RBFOX1: variants seen among roughly 807,000 people sequenced by gnomAD.
RBFOX1 encodes RNA binding fox-1 homolog 1, also known as RNA binding protein fox-1 homolog 1.
RBFOX1 carries 8 observed loss-of-function variants against 57.7 expected under a neutral mutation model. That is an observed-to-expected ratio of 0.14 (90% CI 0.08 to 0.25). RBFOX1 has a LOEUF of 0.25. RBFOX1 is among the 10% of genes least tolerant of loss of function. The pLI is 1.00. For synonymous variants in RBFOX1, 326 were observed against 222.4 expected, an observed-to-expected ratio of 1.47 and a Z score of -4.15; for missense variants, 611 against 548.5, an observed-to-expected ratio of 1.11 and a Z score of -1.14.
At chr16:6,895,748 G>A (rs2066741074) in intron 3 of RBFOX1, among the ~76,000 whole-genome samples, 2 of 151,948 alleles carry the variant, frequency 1.3e-5, no homozygotes, top group African/African-American at 4.8e-5. Flanking sequence ...CATCTCAACA[G>A]TGAGGAATGA....
At chr16:7,202,313 AAG>A (rs2088771263) in intron 4 of RBFOX1, among the ~76,000 whole-genome samples, 3 of 151,540 alleles carry the variant, frequency 2.0e-5, no homozygotes, top group Non-Finnish European at 2.9e-5. Context: ...AAAAAAAAAA[AAG>A]AAGCACAGAA....
At chr16:6,356,729 C>T (rs958690294) in intron 2 of RBFOX1, among the ~76,000 whole-genome samples, 18 of 152,072 alleles carry the variant, frequency 1.2e-4, no homozygotes, top group African/African-American at 4.1e-4. Context: ...GGACATTAGG[C>T]GAAAAACAAG....
intron 1 of RBFOX1, among the ~76,000 whole-genome samples, chr16:5,241,853 C>T (rs1020039696): frequency 6.6e-6 from 1 of 151,930 alleles, no homozygotes; most frequent in Admixed American, 6.6e-5. Flanking sequence ...ATAATTCCAG[C>T]ACTTTGAGAG....
At chr16:7,676,443 G>T (rs2073296542) in intron 13 of RBFOX1, among the ~76,000 whole-genome samples, 1 of 152,160 alleles carries the variant, frequency 6.6e-6, no homozygotes, top group Non-Finnish European at 1.5e-5. Flanking sequence ...GTTCAGCAAA[G>T]TATAAAGAGT....
chr16:6,916,483 AGTT>A (rs2073186918), intron 3 of RBFOX1, among the ~76,000 whole-genome samples: 1 of 151,268 alleles, frequency 6.6e-6, no homozygotes, highest in Admixed American at 6.6e-5. Flanking sequence ...ATAGCATTTT[AGTT>A]GTTTTTTTTT....
intron 1 of RBFOX1, among the ~76,000 whole-genome samples, chr16:6,139,475 C>G (rs1052364994): frequency 1.3e-5 from 2 of 152,176 alleles, no homozygotes; most frequent in African/African-American, 4.8e-5. Flanking sequence ...CAGCACAGTT[C>G]AGCCTGAAGA....
chr16:6,007,297 C>G (rs1056362025), intron 4 of RBFOX1, among the ~76,000 whole-genome samples: 5 of 152,202 alleles, frequency 3.3e-5, no homozygotes, highest in African/African-American at 1.2e-4. Context: ...TGCTCTCCTG[C>G]TCTAAGGGGA....
intron 1 of RBFOX1, among the ~76,000 whole-genome samples, chr16:5,421,049 T>C (rs1012239707): frequency 1.3e-5 from 2 of 148,192 alleles, no homozygotes; most frequent in Non-Finnish European, 3.0e-5. Context: ...CTTTGTCACC[T>C]AGGCTGGAGT....
At chr16:6,256,213 A>G (rs200673150) in intron 1 of RBFOX1, among the ~76,000 whole-genome samples, 39,637 of 65,494 alleles carry the variant, frequency 0.61, 14,990 homozygotes, top group Non-Finnish European at 0.81. Context: ...GTATATGTGT[A>G]TATATATGTA....
chr16:7,211,850 A>G (rs954473794), intron 4 of RBFOX1, among the ~76,000 whole-genome samples: 1 of 152,144 alleles, frequency 6.6e-6, no homozygotes, highest in Non-Finnish European at 1.5e-5. Flanking sequence ...AGGTGGTTGC[A>G]GCGTTTCCTA....
intron 4 of RBFOX1, among the ~76,000 whole-genome samples, chr16:7,131,831 T>C (rs958745829): frequency 2.0e-5 from 3 of 152,036 alleles, no homozygotes; most frequent in African/African-American, 7.2e-5. Flanking sequence ...AATTTTTCCC[T>C]ACATCTAAAC....
intron 4 of RBFOX1, among the ~76,000 whole-genome samples, chr16:7,149,884 C>G (rs948175944): frequency 5.3e-5 from 8 of 152,138 alleles, no homozygotes; most frequent in Non-Finnish European, 8.8e-5. Flanking sequence ...CTATCTGACC[C>G]CTACTCACTG....
intron 3 of RBFOX1, among the ~76,000 whole-genome samples, chr16:6,690,249 G>T (rs764675425): frequency 6.6e-6 from 1 of 152,048 alleles, no homozygotes; most frequent in African/African-American, 2.4e-5. Context: ...GAAGATATTT[G>T]ATTTTATCTT....
intron 2 of RBFOX1, among the ~76,000 whole-genome samples, chr16:6,576,719 A>G (rs1026634112): frequency 6.6e-6 from 1 of 152,206 alleles, no homozygotes; most frequent in Non-Finnish European, 1.5e-5. Context: ...CTAAAACAAA[A>G]GAGGCAATAA....
intron 5 of RBFOX1, among the ~76,000 whole-genome samples, chr16:7,542,317 T>C (rs1418786450): frequency 6.6e-6 from 1 of 152,080 alleles, no homozygotes; most frequent in Non-Finnish European, 1.5e-5. Flanking sequence ...ACTTGGAGCA[T>C]GTAACTTGTG....
At chr16:7,600,415 A>G (rs1352508761) in intron 9 of RBFOX1, among the ~76,000 whole-genome samples, 1 of 152,220 alleles carries the variant, frequency 6.6e-6, no homozygotes. Flanking sequence ...ACTACAGATA[A>G]ATTCCCTTAA....
intron 2 of RBFOX1, among the ~76,000 whole-genome samples, chr16:5,539,565 C>G (rs1597448603): frequency 6.6e-6 from 1 of 152,078 alleles, no homozygotes; most frequent in African/African-American, 2.4e-5. Context: ...CGTACCACTG[C>G]ACCCCAGCCT....
chr16:6,925,146 T>C (rs1333875908), intron 3 of RBFOX1, among the ~76,000 whole-genome samples: 1 of 76,702 alleles, frequency 1.3e-5, no homozygotes, highest in Non-Finnish European at 2.6e-5. Flanking sequence ...TTTTTTTTTT[T>C]TTTTTGAGAT....
intron 3 of RBFOX1, among the ~76,000 whole-genome samples, chr16:6,706,327 T>C (rs911206353): frequency 6.6e-6 from 1 of 152,170 alleles, no homozygotes; most frequent in Non-Finnish European, 1.5e-5. Context: ...AATGGAGTCA[T>C]TGCAACTCAA....
Sources: gnomAD v4.1 joint callset for allele counts (sites outside exome capture counted in the v4.1 genomes callset) on GRCh38, gnomAD v4.1.1 for gene constraint, MANE v1.5 for transcripts, NCBI Gene and HGNC (gene_info 2026-07-23, HGNC 2026-07-21) for gene names.